ANO10: variants seen among roughly 807,000 people sequenced by gnomAD.
ANO10 encodes the protein anoctamin-10.
Under a neutral mutation model 74.7 loss-of-function variants are expected in ANO10, and 77 were observed. That is an observed-to-expected ratio of 1.03 (90% CI 0.86 to 1.25). The LOEUF is 1.25. Ranked by LOEUF, ANO10 falls within the 50% of genes most tolerant of loss-of-function variation. ANO10 has a pLI of 0.00. For missense variants in ANO10, 721 were observed against 778.1 expected (o/e 0.93, Z 0.87); for synonymous variants, 279 against 284.9 (o/e 0.98, Z 0.21).
At chr3:43,605,137 G>A (rs2082501840) in intron 2 of ANO10, among the ~76,000 whole-genome samples, 1 of 152,076 alleles carries the variant, frequency 6.6e-6, no homozygotes, top group Admixed American at 6.6e-5. Flanking sequence ...CTAAACCTTG[G>A]CATCTTAAGT....
rs139952302 is a variant in ANO10, at chr3:43,462,679, A to C, written c.1798-29952T>G. 5.5e-3 allele frequency among the ~76,000 whole-genome samples: 844 copies of C among 152,362 alleles called. 7 individuals carry two copies. The highest frequency in any genetic ancestry group is 0.019 in the African/African-American group (806 of 41,584). ...ATAAGTAATGAGGAGCTGAATGTTA[A>C]TCCCCAAGACAATGGTGAAAATGTC... On this transcript the variant is annotated intron_variant, in intron 11 of 12. Coordinates refer to ENST00000292246, the MANE Select transcript of ANO10 (RefSeq NM_018075.5).
At chr3:43,592,673 C>G (rs1212413874) in intron 4 of ANO10, among the ~76,000 whole-genome samples, 2 of 152,174 alleles carry the variant, frequency 1.3e-5, no homozygotes, top group East Asian at 1.9e-4. Flanking sequence ...GCTGAAAATT[C>G]TAAAAATCAG....
intron 2 of ANO10, among the ~76,000 whole-genome samples, chr3:43,600,899 T>C (rs1330676005): frequency 6.6e-6 from 1 of 152,066 alleles, no homozygotes; most frequent in African/African-American, 2.4e-5. Context: ...AGAACAAAGA[T>C]TGCAGTTTAA....
At chr3:43,394,226 C>G (rs2092334354) in intron 12 of ANO10, among the ~76,000 whole-genome samples, 1 of 152,066 alleles carries the variant, frequency 6.6e-6, no homozygotes. Flanking sequence ...GTCCCTACCC[C>G]CAGGCATCAC....
At chr3:43,380,853 T>G (rs992435713) in intron 12 of ANO10, among the ~76,000 whole-genome samples, 4 of 152,216 alleles carry the variant, frequency 2.6e-5, no homozygotes, top group African/African-American at 9.6e-5. Flanking sequence ...CAATACTAAC[T>G]GTATTAATCC....
chr3:43,457,061 C>A (rs1424704598), intron 11 of ANO10, among the ~76,000 whole-genome samples: 1 of 151,976 alleles, frequency 6.6e-6, no homozygotes, highest in East Asian at 1.9e-4. Flanking sequence ...ATAAAAATTG[C>A]CAAAAACTAA....
chr3:43,381,944 T>G (rs1471046365), intron 12 of ANO10, among the ~76,000 whole-genome samples: 1 of 152,132 alleles, frequency 6.6e-6, no homozygotes, highest in Non-Finnish European at 1.5e-5. Flanking sequence ...TACATGGAAA[T>G]TAAATAGCCT....
chr3:43,551,340 G>A (rs1021877712), intron 10 of ANO10: 7 of 336,132 alleles, frequency 2.1e-5, no homozygotes, highest in Non-Finnish European at 2.3e-5. Flanking sequence ...CTGGCTTCCT[G>A]AACTTGCAAT....
chr3:43,499,342 T>C (rs1168868501), intron 11 of ANO10, among the ~76,000 whole-genome samples: 1 of 152,078 alleles, frequency 6.6e-6, no homozygotes, highest in Non-Finnish European at 1.5e-5. Context: ...ATAGTTCAAA[T>C]GATATACCTC....
intron 11 of ANO10, chr3:43,485,287 C>T (rs2076432102): frequency 1.4e-5 from 8 of 589,320 alleles, no homozygotes; most frequent in South Asian, 9.2e-5. Flanking sequence ...TTGCCACCGT[C>T]GCAGACCCGC....
chr3:43,500,874 C>A (rs186671479), intron 11 of ANO10, among the ~76,000 whole-genome samples: 1 of 152,194 alleles, frequency 6.6e-6, no homozygotes, highest in African/African-American at 2.4e-5. Context: ...TCCTATAGCT[C>A]AACCTAGAAT....
At chr3:43,476,393 C>T (rs1214665227) in intron 11 of ANO10, among the ~76,000 whole-genome samples, 1 of 152,116 alleles carries the variant, frequency 6.6e-6, no homozygotes, top group Non-Finnish European at 1.5e-5. Flanking sequence ...CTTTTGATCT[C>T]CAATTAGTGG....
chr3:43,648,673 CT>C lies in ANO10; in HGVS notation c.-11-42811del, dbSNP rs57098436. ...CTTGGTTTTGGTGGGTTTTAGCCCG[CT>C]TTTTTTTTTTTTTTTTTTTTAAGAT... On this transcript the variant is annotated intron_variant, in intron 1 of 3. Transcript: ENST00000413397. Among the ~76,000 whole-genome samples the C allele has an allele frequency of 4.5e-3, 504 of 111,264 alleles. 8 individuals carry two copies. Among genetic ancestry groups the C allele is most frequent in the East Asian group, 0.011 (43 of 3,960 alleles). 73.0% of individuals were successfully genotyped at this position (111,264 alleles called of 152,430 possible).
rs918026960 is a variant in ANO10 at position 43,567,678 on chromosome 3, A to G, written c.1219-1951T>C. Reference sequence around the variant, plus strand: ...AGGCCTGCCTTACAAGAGCTCCTGAAGGAAGCACTAAACATGGAAAGGAAC... The same window carrying G: ...AGGCCTGCCTTACAAGAGCTCCTGAGGGAAGCACTAAACATGGAAAGGAAC... On this transcript the variant is annotated intron_variant, in intron 7 of 12. Transcript: ENST00000292246. Among the ~76,000 whole-genome samples, 7 of 152,292 alleles carry G rather than the reference A, an allele frequency of 4.6e-5. No individual in the cohort carries two copies. The East Asian group carries it at 1.2e-3, about 25-fold the overall frequency.
intron 12 of ANO10, chr3:43,372,674 C>G (rs2091656461): frequency 1.7e-6 from 1 of 591,310 alleles, no homozygotes; most frequent in Admixed American, 2.6e-5. Context: ...GCATTACCAT[C>G]TGGTTTATTC....
chr3:43,606,428 C>T (rs1025096964), intron 1 of ANO10, among the ~76,000 whole-genome samples: 4 of 152,034 alleles, frequency 2.6e-5, no homozygotes, highest in South Asian at 2.1e-4. Flanking sequence ...GTCTAACATA[C>T]AATGGGAGTC....
chr3:43,532,623 C>G (rs955042050), intron 11 of ANO10, among the ~76,000 whole-genome samples: 2 of 152,084 alleles, frequency 1.3e-5, no homozygotes, highest in African/African-American at 2.4e-5. Context: ...TTTTAATGCA[C>G]GTATAGTTTC....
intron 11 of ANO10, among the ~76,000 whole-genome samples, chr3:43,461,731 G>A (rs1385391773): frequency 2.0e-5 from 3 of 152,162 alleles, no homozygotes; most frequent in Non-Finnish European, 2.9e-5. Context: ...GTCCAATTAA[G>A]CCTCCTTCTT....
chr3:43,607,585 A>T (rs887529497), intron 1 of ANO10, among the ~76,000 whole-genome samples: 2 of 152,178 alleles, frequency 1.3e-5, no homozygotes, highest in Non-Finnish European at 1.5e-5. Flanking sequence ...CATTCTAAAC[A>T]TAATAGTGAA....
Sources: gnomAD v4.1 joint callset for allele counts (sites outside exome capture counted in the v4.1 genomes callset) on GRCh38, gnomAD v4.1.1 for gene constraint, MANE v1.5 for transcripts, NCBI Gene and HGNC (gene_info 2026-07-23, HGNC 2026-07-21) for gene names.